Variants in KIF4A observed in about 807,000 individuals in gnomAD.
KIF4A encodes the protein kinesin family member 4A, also known as chromosome-associated kinesin KIF4A.
Under a neutral mutation model 105.9 loss-of-function variants are expected in KIF4A, and 7 were observed. That is an observed-to-expected ratio of 0.07 (90% CI 0.04 to 0.12). The LOEUF is 0.12. Among genes scored for constraint, KIF4A ranks in the 10% least tolerant of loss-of-function variants. KIF4A has a pLI of 1.00. For synonymous variants in KIF4A, 281 were observed against 331.3 expected (o/e 0.85, Z 1.65); for missense variants, 558 against 929.2 (o/e 0.60, Z 5.19).
chrX:70,354,101 T>A (rs765202531), intron 15 of KIF4A, among the ~76,000 whole-genome samples: 1 of 112,659 alleles, frequency 8.9e-6, no homozygotes, highest in Non-Finnish European at 1.9e-5. Flanking sequence ...ATAACTATGC[T>A]TGGATTCTGA....
intron 23 of KIF4A, among the ~76,000 whole-genome samples, chrX:70,403,199 T>C (rs781412545): frequency 8.9e-6 from 1 of 112,084 alleles, no homozygotes; most frequent in Admixed American, 9.4e-5. Context: ...CCTCTGGTGA[T>C]TGAAGCATTT....
chrX:70,296,951 A>G (rs1184729167), intron 3 of KIF4A, 47 bp from the exon 4 acceptor site: 1 of 1,128,842 alleles, frequency 8.9e-7, no homozygotes, highest in Non-Finnish European at 1.2e-6. Flanking sequence ...TATTGATTAG[A>G]TGAAAATGTT....
intron 7 of KIF4A, among the ~76,000 whole-genome samples, chrX:70,311,843 G>A (rs940227828): frequency 9.2e-6 from 1 of 108,590 alleles, no homozygotes; most frequent in African/African-American, 3.4e-5. Context: ...GCATATACCT[G>A]TAGTCCTAGC....
chrX:70,291,373 A>C (rs1296367930), intron 3 of KIF4A, among the ~76,000 whole-genome samples: 1 of 111,431 alleles, frequency 9.0e-6, no homozygotes, highest in East Asian at 2.8e-4. Context: ...GGATGGCTCT[A>C]ACTCTGCTTG....
chrX:70,372,089 G>C (rs1357031822), intron 15 of KIF4A, among the ~76,000 whole-genome samples: 1 of 105,986 alleles, frequency 9.4e-6, no homozygotes, highest in Admixed American at 9.9e-5. Flanking sequence ...ATGGGATGGC[G>C]GCCGGGAAGA....
intron 11 of KIF4A, among the ~76,000 whole-genome samples, chrX:70,343,448 G>C (rs761928529): frequency 9.9e-5 from 11 of 111,354 alleles, no homozygotes; most frequent in Non-Finnish European, 1.1e-4. Context: ...CCACCCCATA[G>C]TCTGAGTTTC....
chrX:70,298,361 G>A (rs2085791657), intron 4 of KIF4A, among the ~76,000 whole-genome samples: 1 of 110,170 alleles, frequency 9.1e-6, no homozygotes, highest in Non-Finnish European at 1.9e-5. Flanking sequence ...AGCCTTCCAA[G>A]CAGCTGGGAC....
intron 7 of KIF4A, among the ~76,000 whole-genome samples, chrX:70,322,095 C>A (rs979766017): frequency 8.2e-5 from 9 of 109,920 alleles, no homozygotes; most frequent in Non-Finnish European, 1.7e-4. Flanking sequence ...CCTCCCCCCC[C>A]AAAGTGGTTT....
At chrX:70,373,357 G>A (rs1439265396) in intron 15 of KIF4A, among the ~76,000 whole-genome samples, 13 of 93,873 alleles carry the variant, frequency 1.4e-4, no homozygotes, top group Non-Finnish European at 2.5e-4. Context: ...AAGGAGGGAG[G>A]GAGGGAAAAG....
At chrX:70,354,712 G>A (rs2086044246) in intron 15 of KIF4A, among the ~76,000 whole-genome samples, 1 of 111,837 alleles carries the variant, frequency 8.9e-6, no homozygotes, top group Non-Finnish European at 1.9e-5. Flanking sequence ...AAGAGAGGTG[G>A]ACAGTTGGCC....
At chrX:70,297,523 A>G (rs1409497455) in intron 4 of KIF4A, among the ~76,000 whole-genome samples, 1 of 112,314 alleles carries the variant, frequency 8.9e-6, no homozygotes, top group Non-Finnish European at 1.9e-5. Flanking sequence ...TTAAATGATA[A>G]TGCTGTTGCC....
At chrX:70,385,462 C>T (rs898135815) in intron 18 of KIF4A, among the ~76,000 whole-genome samples, 5 of 112,533 alleles carry the variant, frequency 4.4e-5, no homozygotes, top group Non-Finnish European at 7.5e-5. Flanking sequence ...TTCATTTCAA[C>T]ACACATCATA....
intron 5 of KIF4A, 147 bp from the exon 6 acceptor site, chrX:70,301,753 C>A: frequency 5.5e-6 from 3 of 549,820 alleles, no homozygotes; most frequent in South Asian, 8.3e-5. Flanking sequence ...ACAGAGTTGC[C>A]AGTTAAAGCA....
chrX:70,360,019 TACGAG>T (rs2086068286), intron 15 of KIF4A, among the ~76,000 whole-genome samples: 1 of 111,199 alleles, frequency 9.0e-6, no homozygotes, highest in Non-Finnish European at 1.9e-5. Context: ...TCTTAACAAA[TACGAG>T]GCTCTTGTTA....
chrX:70,351,637 T>G (rs1455482765), intron 13 of KIF4A, among the ~76,000 whole-genome samples: 1 of 112,597 alleles, frequency 8.9e-6, no homozygotes, highest in Non-Finnish European at 1.9e-5. Flanking sequence ...AGTTCTTATT[T>G]ACATGAGGGA....
chrX:70,330,811 A>G (rs1345291816), intron 9 of KIF4A, among the ~76,000 whole-genome samples: 2 of 112,398 alleles, frequency 1.8e-5, no homozygotes, highest in African/African-American at 6.5e-5. Context: ...AAACATAGGT[A>G]GCAAAGTACA....
rs1013296974 is a variant in KIF4A at position 70,412,828 on chromosome X, A to G, written c.3256-5060A>G. Among the ~76,000 whole-genome samples, 7 of 110,046 alleles carry G rather than the reference A, an allele frequency of 6.4e-5. No individual in the cohort carries two copies. In the Admixed American group the frequency reaches 6.8e-4, roughly 11 times the overall value. On this transcript the variant is annotated intron_variant, in intron 28 of 30. Coordinates refer to ENST00000374403, the MANE Select transcript of KIF4A (RefSeq NM_012310.5). The stretch of plus-strand genomic sequence containing the variant: ...AGTCCCAGCTACTCAGTGGGGGCTG[A>G]GGCCACAGGATCACTTGAGCCCTGG...
At chrX:70,366,640 T>C (rs1460476253) in intron 15 of KIF4A, among the ~76,000 whole-genome samples, 1 of 112,202 alleles carries the variant, frequency 8.9e-6, no homozygotes, top group African/African-American at 3.2e-5. Context: ...TCTGTTCTTT[T>C]ACATTTGCTG....
chrX:70,295,865 C>T (rs897688695), intron 3 of KIF4A, among the ~76,000 whole-genome samples: 5 of 105,519 alleles, frequency 4.7e-5, no homozygotes, highest in Admixed American at 1.0e-4. Flanking sequence ...TGTAGTTAGC[C>T]GAGATCGCGC....
Sources: allele counts gnomAD v4.1 joint callset (sites outside exome capture counted in the v4.1 genomes callset), GRCh38; gene constraint gnomAD v4.1.1; transcripts MANE v1.5; gene names NCBI Gene and HGNC (gene_info 2026-07-23, HGNC 2026-07-21).